Variants in NAV1 observed in about 807,000 individuals in gnomAD.
NAV1 encodes neuron navigator 1.
A neutral mutation model predicts 175.2 loss-of-function variants in NAV1; 18 were observed. The ratio of observed to expected loss-of-function variants is 0.10; its 90% CI spans 0.07 to 0.15. The LOEUF is 0.15. NAV1 is among the 10% of genes least tolerant of loss of function. NAV1 has a pLI of 1.00. For missense variants in NAV1, 1,731 were observed against 2,436.6 expected, an observed-to-expected ratio of 0.71 and a Z score of 6.10; for synonymous variants, 897 against 978.7, an observed-to-expected ratio of 0.92 and a Z score of 1.56.
chr1:201,781,219 C>T lies in NAV1; in HGVS notation c.1573C>T (p.His525Tyr), dbSNP rs146487013. ...ACTGAAAAAGCCCATCAGCCTGGGC[C>T]ACCCTGGTTCCCTGAAGAAGGGCAA... The change falls in exon 5 of 30, where the codon CAC becomes TAC. Residue 525 changes from histidine to tyrosine, a missense_variant. His to Tyr is a moderately conservative substitution (Grantham distance 83, BLOSUM62 2). Transcript: ENST00000367296. 19 of 1,613,990 alleles carry T rather than the reference C, an allele frequency of 1.2e-5. No individual in the cohort carries two copies. In the African/African-American group the frequency reaches 2.3e-4, roughly 19 times the overall value.
chr1:201,730,207 T>C (rs1028472912), intron 3 of NAV1, among the ~76,000 whole-genome samples: 1 of 152,226 alleles, frequency 6.6e-6, no homozygotes, highest in Non-Finnish European at 1.5e-5. Context: ...ATAGCATGCA[T>C]GGTTTGCACA....
At chr1:201,596,754 C>T (rs952076164) in intron 2 of NAV1, among the ~76,000 whole-genome samples, 2 of 152,182 alleles carry the variant, frequency 1.3e-5, no homozygotes, top group South Asian at 2.1e-4. Flanking sequence ...AACAGAGTTT[C>T]CAGCCCAATG....
At chr1:201,647,762 G>A (rs1571861492), upstream of NAV1, among the ~76,000 whole-genome samples, 1 of 151,952 alleles carries the variant, frequency 6.6e-6, no homozygotes, top group Non-Finnish European at 1.5e-5. Context: ...TGGGGGAGGG[G>A]AATGAGCACC....
intron 3 of NAV1, among the ~76,000 whole-genome samples, chr1:201,755,931 C>T (rs2102613427): frequency 6.6e-6 from 1 of 151,850 alleles, no homozygotes; most frequent in Middle Eastern, 3.4e-3. Context: ...ATGGTGAAAC[C>T]CCATCTCTAC....
At chr1:201,629,328 T>C (rs1668421829) in intron 1 of NAV1, 76 bp from the exon 4 acceptor site, 1 of 1,054,592 alleles carries the variant, frequency 9.5e-7, no homozygotes, top group African/African-American at 1.7e-5. Context: ...TCTAAGAGGG[T>C]TTTCTTAGCC....
chr1:201,563,031 T>C (rs184317661), intron 1 of NAV1, among the ~76,000 whole-genome samples: 30 of 152,272 alleles, frequency 2.0e-4, no homozygotes, highest in Admixed American at 6.5e-4. Context: ...AGTGGGTGGT[T>C]ATGAGTATTT....
At chr1:201,549,093 TTCTTTC>T (rs1466283759) in intron 1 of NAV1, among the ~76,000 whole-genome samples, 5 of 129,162 alleles carry the variant, frequency 3.9e-5, no homozygotes, top group African/African-American at 1.1e-4. Flanking sequence ...CTTTCTTTCT[TTCTTTC>T]TTTCTTTCTT....
At chr1:201,818,129 C>T (rs902524208) in intron 29 of NAV1, among the ~76,000 whole-genome samples, 3 of 152,150 alleles carry the variant, frequency 2.0e-5, no homozygotes, top group Admixed American at 6.5e-5. Context: ...ACTCAGGAGG[C>T]TGAGGTGGGA....
intron 1 of NAV1, among the ~76,000 whole-genome samples, chr1:201,664,558 A>C (rs991599357): frequency 6.6e-6 from 1 of 152,330 alleles, no homozygotes; most frequent in Admixed American, 6.5e-5. Context: ...TGATTGTTTT[A>C]TATTACTATC....
At chr1:201,757,472 T>A (rs1205638033) in intron 3 of NAV1, among the ~76,000 whole-genome samples, 1 of 152,216 alleles carries the variant, frequency 6.6e-6, no homozygotes, top group Non-Finnish European at 1.5e-5. Context: ...AAGGCTGGTC[T>A]TGAACTCCTG....
At chr1:201,800,976 G>C (rs550976846) in intron 15 of NAV1, among the ~76,000 whole-genome samples, 16 of 152,220 alleles carry the variant, frequency 1.1e-4, no homozygotes, top group Non-Finnish European at 2.4e-4. Context: ...CCACAGGCGT[G>C]TGCCACCACA....
At chr1:201,608,754 C>T (rs1407584133) in intron 2 of NAV1, among the ~76,000 whole-genome samples, 1 of 152,164 alleles carries the variant, frequency 6.6e-6, no homozygotes, top group Non-Finnish European at 1.5e-5. Context: ...TCTCCTGCAG[C>T]CTGGCGCTGG....
chr1:201,615,526 A>G (rs1335104395), intron 2 of NAV1, among the ~76,000 whole-genome samples: 3 of 151,910 alleles, frequency 2.0e-5, no homozygotes, highest in Non-Finnish European at 2.9e-5. Flanking sequence ...ACCTCCCAAA[A>G]TGCTGGGATT....
chr1:201,572,876 T>G (rs1666588196), intron 1 of NAV1, among the ~76,000 whole-genome samples: 2 of 152,076 alleles, frequency 1.3e-5, no homozygotes, highest in Non-Finnish European at 2.9e-5. Context: ...GTGCTCTTCT[T>G]GGGAATTACT....
chr1:201,647,466 T>C (rs1307495748), upstream of NAV1, among the ~76,000 whole-genome samples: 1 of 152,174 alleles, frequency 6.6e-6, no homozygotes, highest in Non-Finnish European at 1.5e-5. Context: ...AAGCTGGTAT[T>C]ATAACCACTA....
intron 1 of NAV1, among the ~76,000 whole-genome samples, chr1:201,567,169 C>A (rs912151062): frequency 1.3e-5 from 2 of 152,140 alleles, no homozygotes; most frequent in Non-Finnish European, 2.9e-5. Context: ...ACAACCTCCC[C>A]ACACCCTGTC....
At chr1:201,799,841 C>T (rs962421199) in intron 15 of NAV1, among the ~76,000 whole-genome samples, 2 of 123,462 alleles carry the variant, frequency 1.6e-5, no homozygotes, top group Non-Finnish European at 3.4e-5. Flanking sequence ...GCCTGGGCAA[C>T]AAGAGTGAAA....
chr1:201,690,670 C>T (rs1670884015), intron 1 of NAV1, among the ~76,000 whole-genome samples: 1 of 147,540 alleles, frequency 6.8e-6, no homozygotes, highest in Admixed American at 6.8e-5. Flanking sequence ...TGGCTATTTC[C>T]TCCGTGGCCT....
At chr1:201,809,923 C>A (rs762744571) in intron 22 of NAV1, 23 bp from the exon 27 acceptor site, 3 of 1,600,116 alleles carry the variant, frequency 1.9e-6, no homozygotes, top group Admixed American at 3.4e-5. Context: ...TTTTCTTCTT[C>A]TTCTGCCTGT....
Sources: allele counts gnomAD v4.1 joint callset (sites outside exome capture counted in the v4.1 genomes callset), GRCh38; gene constraint gnomAD v4.1.1; transcripts MANE v1.5; gene names NCBI Gene and HGNC (gene_info 2026-07-23, HGNC 2026-07-21).